Variants in ADGRD1 observed in about 807,000 individuals in gnomAD.
ADGRD1 encodes G-protein coupled receptor 133.
A neutral mutation model predicts 113.4 loss-of-function variants in ADGRD1; 77 were observed. That is an observed-to-expected ratio of 0.68 (90% CI 0.57 to 0.82). The LOEUF is 0.82. ADGRD1 is among the 40% of genes least tolerant of loss of function. ADGRD1 has a pLI of 0.00. For synonymous variants in ADGRD1, 474 were observed against 475.0 expected, an observed-to-expected ratio of 1.00 and a Z score of 0.03; for missense variants, 1,036 against 1,139.1, an observed-to-expected ratio of 0.91 and a Z score of 1.30.
chr12:131,011,637 G>A (rs180736650), intron 12 of ADGRD1, among the ~76,000 whole-genome samples: 4 of 152,314 alleles, frequency 2.6e-5, no homozygotes, highest in East Asian at 3.9e-4. Flanking sequence ...AAATGTCCAC[G>A]GAGGGAAAGT....
chr12:131,036,551 G>A (rs1220956953), intron 13 of ADGRD1, among the ~76,000 whole-genome samples: 2 of 146,004 alleles, frequency 1.4e-5, no homozygotes, highest in African/African-American at 5.1e-5. Context: ...GCTACACTGG[G>A]CCTCACTCAC....
intron 8 of ADGRD1, 78 bp downstream of exon 8, chr12:130,992,470 T>G (rs979932429): frequency 7.9e-7 from 1 of 1,258,010 alleles, no homozygotes; most frequent in Non-Finnish European, 1.1e-6. Flanking sequence ...CTGTTTGACC[T>G]AGATCGAGTT....
At chr12:131,018,519 C>T (rs1015067917) in intron 13 of ADGRD1, among the ~76,000 whole-genome samples, 1 of 152,158 alleles carries the variant, frequency 6.6e-6, no homozygotes, top group East Asian at 1.9e-4. Flanking sequence ...GCAGCGCTTC[C>T]CTCGTGCTGC....
intron 21 of ADGRD1, among the ~76,000 whole-genome samples, chr12:131,133,169 C>T (rs1322821519): frequency 6.6e-6 from 1 of 152,086 alleles, no homozygotes; most frequent in Non-Finnish European, 1.5e-5. Context: ...GTCCCTTCCT[C>T]ACCCCAGCCC....
At chr12:130,964,787 G>A (rs1014849734) in intron 2 of ADGRD1, among the ~76,000 whole-genome samples, 1 of 152,198 alleles carries the variant, frequency 6.6e-6, no homozygotes, top group African/African-American at 2.4e-5. Flanking sequence ...CCGCTGAACT[G>A]TCTATCCGCG....
At chr12:131,122,442 C>G (rs1451565893) in intron 20 of ADGRD1, among the ~76,000 whole-genome samples, 1 of 152,158 alleles carries the variant, frequency 6.6e-6, no homozygotes, top group African/African-American at 2.4e-5. Context: ...GATCACCTGC[C>G]ATCGCTTTAC....
intron 9 of ADGRD1, among the ~76,000 whole-genome samples, chr12:131,000,831 C>G (rs977374988): frequency 6.6e-6 from 1 of 151,888 alleles, no homozygotes; most frequent in Non-Finnish European, 1.5e-5. Context: ...TTTTGTCTTC[C>G]TAGAAGTGGC....
intron 15 of ADGRD1, among the ~76,000 whole-genome samples, chr12:131,089,192 G>T (rs1007768655): frequency 6.6e-6 from 1 of 152,230 alleles, no homozygotes; most frequent in Non-Finnish European, 1.5e-5. Flanking sequence ...AGGAGCTGAG[G>T]GGGGAACTGG....
intron 13 of ADGRD1, among the ~76,000 whole-genome samples, chr12:131,068,050 C>T (rs1434105769): frequency 6.6e-6 from 1 of 152,082 alleles, no homozygotes; most frequent in Non-Finnish European, 1.5e-5. Flanking sequence ...TGCCCCTGAT[C>T]CTTCTGGAGG....
intron 21 of ADGRD1, among the ~76,000 whole-genome samples, chr12:131,132,165 C>T (rs73470815): frequency 0.038 from 5,759 of 152,284 alleles, 363 homozygotes; most frequent in African/African-American, 0.13. Flanking sequence ...CTGCCCTGGC[C>T]ATCTGCTGGG....
At chr12:131,082,036 TC>T (rs1278995654) in intron 14 of ADGRD1, among the ~76,000 whole-genome samples, 2 of 152,114 alleles carry the variant, frequency 1.3e-5, no homozygotes, top group African/African-American at 2.4e-5. Flanking sequence ...TCCACCCCTT[TC>T]CCCAGTAATA....
chr12:131,078,321 C>G (rs1192659397), intron 14 of ADGRD1, among the ~76,000 whole-genome samples: 3 of 152,346 alleles, frequency 2.0e-5, no homozygotes, highest in East Asian at 3.9e-4. Context: ...TTTTGACCCC[C>G]GGGATGCCTC....
intron 13 of ADGRD1, among the ~76,000 whole-genome samples, chr12:131,036,532 G>A (rs1390625183): frequency 1.4e-5 from 2 of 147,326 alleles, no homozygotes; most frequent in Non-Finnish European, 3.0e-5. Context: ...ACTGCACCAG[G>A]CCTCACTTGC....
intron 13 of ADGRD1, among the ~76,000 whole-genome samples, chr12:131,056,262 A>T (rs1883849663): frequency 6.6e-6 from 1 of 152,254 alleles, no homozygotes; most frequent in African/African-American, 2.4e-5. Flanking sequence ...ACTTTAGTTT[A>T]CAATCCAGGA....
At chr12:130,961,886 G>A (rs1870407679) in intron 2 of ADGRD1, among the ~76,000 whole-genome samples, 1 of 152,140 alleles carries the variant, frequency 6.6e-6, no homozygotes, top group Non-Finnish European at 1.5e-5. Context: ...ACAATCCTGG[G>A]CAAAGCTTCC....
At chr12:131,036,431 C>T (rs1881392957) in intron 13 of ADGRD1, among the ~76,000 whole-genome samples, 1 of 150,964 alleles carries the variant, frequency 6.6e-6, no homozygotes, top group African/African-American at 2.4e-5. Flanking sequence ...GGTCTTACTG[C>T]TCCAGGTCTC....
chr12:131,120,892 C>G lies in ADGRD1; in HGVS notation c.2154C>G (p.Ala718=), dbSNP rs763655069. The change falls in exon 20 of 25, where the codon GCC becomes GCG. Residue 718 remains alanine, a synonymous_variant. Transcript: ENST00000261654. Reference sequence around the variant, plus strand: ...GTGGCGCCATCTGGGCCTTTGTAGCCCCTGCCCTGTTTGTCATCGTGGTAC... The same window carrying G: ...GTGGCGCCATCTGGGCCTTTGTAGCGCCTGCCCTGTTTGTCATCGTGGTAC... ...LASGAIWAFV[A]PALFVIVVNI... 6.2e-6 allele frequency: 10 copies of G among 1,614,138 alleles called. No homozygotes were observed. The highest frequency in any genetic ancestry group is 8.5e-6 in the Non-Finnish European group (10 of 1,180,014).
intron 2 of ADGRD1, among the ~76,000 whole-genome samples, chr12:130,955,772 TA>T (rs1869490644): frequency 6.7e-6 from 1 of 150,124 alleles, no homozygotes; most frequent in Admixed American, 6.7e-5. Context: ...TCAGCCTTTT[TA>T]AAAAAATTAT....
Position 130,954,650 on chromosome 12 carries a change from G to A in ADGRD1, c.93G>A (p.Gln31=), listed in dbSNP as rs758598283. 1.2e-6 allele frequency: 2 copies of A among 1,613,098 alleles called. No homozygotes were observed. Among genetic ancestry groups the A allele is most frequent in the East Asian group, 4.5e-5 (2 of 44,890 alleles). Residue 31 remains glutamine (Q), a synonymous_variant, in exon 2 of 25, where the codon CAG becomes CAA. Coordinates refer to ENST00000261654, the MANE Select transcript of ADGRD1 (RefSeq NM_198827.5). This position sits in a 1 kb window ranked among gnomAD's most constrained non-coding sequence, Gnocchi z 4.7. ...TGCGTGGCGTCTACTCCAGATCGCAGGACCATCCAGGTAAGAGTGTTTCCT... is the reference window on the plus strand; with the variant it reads ...TGCGTGGCGTCTACTCCAGATCGCAAGACCATCCAGGTAAGAGTGTTTCCT... The part of the protein sequence containing the change: ...FQVRGVYSRS[Q]DHPGFQVLAS...
Sources: gnomAD v4.1 joint callset for allele counts (sites outside exome capture counted in the v4.1 genomes callset) on GRCh38, gnomAD v4.1.1 for gene constraint, Gnocchi (gnomAD v3.1) non-coding constraint, MANE v1.5 for transcripts, NCBI Gene and HGNC (gene_info 2026-07-23, HGNC 2026-07-21) for gene names.